The following ROBO1 variants were observed in gnomAD, a reference collection of about 807,000 sequenced individuals.
The protein encoded by ROBO1 is roundabout guidance receptor 1, also known as roundabout homolog 1.
In ROBO1, 149 loss-of-function variants were observed where a neutral mutation model predicts 195.9. That is an observed-to-expected ratio of 0.76 (90% CI 0.67 to 0.87). The LOEUF (loss-of-function observed/expected upper bound fraction) is 0.87. Ranked by LOEUF, ROBO1 falls within the 40% of genes least tolerant of loss-of-function variation. ROBO1 has a pLI of 0.00. For synonymous variants in ROBO1, 816 were observed against 733.2 expected, an observed-to-expected ratio of 1.11 and a Z score of -1.82; for missense variants, 1,933 against 2,068.3, an observed-to-expected ratio of 0.93 and a Z score of 1.27.
chr3:79,186,363 CATAA>C (rs1559721126), intron 2 of ROBO1, among the ~76,000 whole-genome samples: 4 of 152,088 alleles, frequency 2.6e-5, no homozygotes, highest in South Asian at 2.1e-4. Flanking sequence ...TATATTTACA[CATAA>C]ATATATTTGT....
At chr3:79,455,874 CTG>C (rs1220270714) in intron 2 of ROBO1, among the ~76,000 whole-genome samples, 1 of 152,116 alleles carries the variant, frequency 6.6e-6, no homozygotes, top group Non-Finnish European at 1.5e-5. Context: ...ACATGACACT[CTG>C]TAAAATATCT....
chr3:79,654,425 A>G (rs1560073146), intron 1 of ROBO1, among the ~76,000 whole-genome samples: 1 of 152,026 alleles, frequency 6.6e-6, no homozygotes, highest in Non-Finnish European at 1.5e-5. Flanking sequence ...GTCATTTTAC[A>G]TAAGAGAAAA....
intron 2 of ROBO1, among the ~76,000 whole-genome samples, chr3:79,538,185 T>G (rs1941943827): frequency 6.6e-6 from 1 of 152,152 alleles, no homozygotes; most frequent in South Asian, 2.1e-4. Flanking sequence ...GCTGCTAGCC[T>G]TTGGATTTTG....
intron 2 of ROBO1, among the ~76,000 whole-genome samples, chr3:79,532,237 A>T (rs1471268524): frequency 8.5e-5 from 13 of 152,172 alleles, no homozygotes; most frequent in African/African-American, 2.7e-4. Flanking sequence ...CTATTTCAGT[A>T]TCACTAAGTC....
At chr3:78,881,136 G>A (rs2036154296) in intron 4 of ROBO1, among the ~76,000 whole-genome samples, 1 of 152,168 alleles carries the variant, frequency 6.6e-6, no homozygotes, top group South Asian at 2.1e-4. Flanking sequence ...GCTTCAGGCT[G>A]CAGCAAATTA....
At chr3:79,184,118 G>A (rs1294207468) in intron 2 of ROBO1, among the ~76,000 whole-genome samples, 3 of 151,936 alleles carry the variant, frequency 2.0e-5, no homozygotes, top group Non-Finnish European at 4.4e-5. Context: ...GATGTCAAGG[G>A]GAAAAAATAA....
intron 4 of ROBO1, among the ~76,000 whole-genome samples, chr3:78,919,556 T>C (rs201471174): frequency 6.6e-6 from 1 of 152,218 alleles, no homozygotes; most frequent in East Asian, 1.9e-4. Context: ...GATTGTCCTG[T>C]CAATATCTAG....
At chr3:79,302,276 G>A (rs1437658783) in intron 2 of ROBO1, among the ~76,000 whole-genome samples, 2 of 152,154 alleles carry the variant, frequency 1.3e-5, no homozygotes, top group African/African-American at 4.8e-5. Context: ...TCAAAGTAAC[G>A]TGGTGAGAAA....
chr3:79,046,459 CAT>C (rs1345701914), intron 3 of ROBO1, among the ~76,000 whole-genome samples: 6 of 151,976 alleles, frequency 3.9e-5, no homozygotes, highest in Non-Finnish European at 7.4e-5. Context: ...GGTAATGTAA[CAT>C]ATATATAATA....
At chr3:79,560,823 T>C (rs2107709286) in intron 2 of ROBO1, among the ~76,000 whole-genome samples, 1 of 152,190 alleles carries the variant, frequency 6.6e-6, no homozygotes, top group Non-Finnish European at 1.5e-5. Flanking sequence ...ATTATGTCAG[T>C]TTTAGCAAAG....
At chr3:78,648,323 A>G (rs114306617) in intron 19 of ROBO1, among the ~76,000 whole-genome samples, 1,958 of 152,228 alleles carry the variant, frequency 0.013, 19 homozygotes, top group Non-Finnish European at 0.019. Flanking sequence ...AAACTTGTGA[A>G]TGGACAGAAA....
intron 3 of ROBO1, among the ~76,000 whole-genome samples, chr3:79,005,287 C>G (rs571333902): frequency 3.3e-5 from 5 of 152,268 alleles, no homozygotes; most frequent in Admixed American, 2.6e-4. Context: ...GTGAGCGTCT[C>G]ATATGATTCC....
chr3:78,682,356 C>A (rs2080937194), intron 10 of ROBO1, among the ~76,000 whole-genome samples: 1 of 150,914 alleles, frequency 6.6e-6, no homozygotes, highest in South Asian at 2.1e-4. Context: ...GCACCTGACA[C>A]ACTTTGTACA....
chr3:79,718,294 G>A (rs998380555), intron 1 of ROBO1, among the ~76,000 whole-genome samples: 1 of 151,918 alleles, frequency 6.6e-6, no homozygotes, highest in Admixed American at 6.6e-5. Flanking sequence ...GTACTTATAT[G>A]TTCCAAATTT....
chr3:79,622,949 C>A (rs1945054305), intron 1 of ROBO1, among the ~76,000 whole-genome samples: 1 of 152,136 alleles, frequency 6.6e-6, no homozygotes, highest in Non-Finnish European at 1.5e-5. Flanking sequence ...GGTCAGAGGT[C>A]CCAGAAGAAG....
At chr3:78,999,655 C>T (rs143494753) in intron 3 of ROBO1, among the ~76,000 whole-genome samples, 1 of 152,202 alleles carries the variant, frequency 6.6e-6, no homozygotes, top group African/African-American at 2.4e-5. Context: ...GTGCAATATA[C>T]CTTTGTAACA....
intron 4 of ROBO1, among the ~76,000 whole-genome samples, chr3:78,803,940 T>C (rs1388116257): frequency 6.6e-6 from 1 of 152,184 alleles, no homozygotes; most frequent in African/African-American, 2.4e-5. Context: ...CACTGTGTAC[T>C]GTAAGGTATA....
chr3:79,475,168 C>G (rs1371519804), intron 2 of ROBO1, among the ~76,000 whole-genome samples: 1 of 151,438 alleles, frequency 6.6e-6, no homozygotes, highest in African/African-American at 2.4e-5. Context: ...AATCTTTATT[C>G]TCACTGAGTT....
intron 2 of ROBO1, among the ~76,000 whole-genome samples, chr3:79,211,215 G>A (rs1319058488): frequency 6.6e-6 from 1 of 151,958 alleles, no homozygotes. Flanking sequence ...AGTCAATCAA[G>A]TCAAGTGGTA....
Sources: allele counts gnomAD v4.1 joint callset (sites outside exome capture counted in the v4.1 genomes callset), GRCh38; gene constraint gnomAD v4.1.1; transcripts MANE v1.5; gene names NCBI Gene and HGNC (gene_info 2026-07-23, HGNC 2026-07-21).